The following GALNT2 variants were observed in gnomAD, a reference collection of about 807,000 sequenced individuals.
The protein encoded by GALNT2 is polypeptide N-acetylgalactosaminyltransferase 2, also known as UDP-GalNAc:polypeptide N-acetylgalactosaminyltransferase 2.
GALNT2 carries 31 observed loss-of-function variants against 81.4 expected under a neutral mutation model. The observed-to-expected ratio is 0.38, with a 90% CI of 0.29 to 0.51. The LOEUF (loss-of-function observed/expected upper bound fraction) is 0.51, where lower values mean the gene tolerates loss of function less well. GALNT2 is among the 20% of genes least tolerant of loss of function. GALNT2 has a pLI of 0.87. For missense variants in GALNT2, 629 were observed against 765.7 expected, an observed-to-expected ratio of 0.82 and a Z score of 2.11; for synonymous variants, 303 against 287.4, an observed-to-expected ratio of 1.05 and a Z score of -0.55.
rs1660756471 is a variant in GALNT2, at chr1:230,113,343, C to T, written c.126+45937C>T. On this transcript the variant is annotated intron_variant, in intron 1 of 15. Transcript: ENST00000366672. ...CCAGTTTCTTTCTCTGTTCTTCTCT[C>T]CTTGACTCAGGAATCCAGTTTGCGC... 2.0e-5 allele frequency among the ~76,000 whole-genome samples: 3 copies of T among 152,238 alleles called. No individual in the cohort carries two copies. The South Asian group carries it at 6.2e-4, about 32-fold the overall frequency.
chr1:230,121,755 C>T (rs1201065051), intron 1 of GALNT2, among the ~76,000 whole-genome samples: 1 of 152,046 alleles, frequency 6.6e-6, no homozygotes. Context: ...AGGATGAGTG[C>T]TTTTGCATAC....
intron 1 of GALNT2, among the ~76,000 whole-genome samples, chr1:230,104,196 G>A (rs998455279): frequency 1.3e-5 from 2 of 152,294 alleles, no homozygotes; most frequent in Admixed American, 6.5e-5. Context: ...GTGGGGGGCC[G>A]AGGGAGGCAG....
intron 1 of GALNT2, among the ~76,000 whole-genome samples, chr1:230,116,811 A>C (rs1660862908): frequency 6.6e-6 from 1 of 152,224 alleles, no homozygotes; most frequent in Non-Finnish European, 1.5e-5. Context: ...CCATTTATAG[A>C]GCACAGGCAG....
chr1:230,164,048 CT>C (rs374805563), intron 1 of GALNT2, among the ~76,000 whole-genome samples: 2 of 152,006 alleles, frequency 1.3e-5, no homozygotes, highest in African/African-American at 4.8e-5. Flanking sequence ...GTTTTGTCAT[CT>C]TTTTTTTAAT....
chr1:230,151,048 G>T (rs1251368094), intron 1 of GALNT2, among the ~76,000 whole-genome samples: 1 of 152,206 alleles, frequency 6.6e-6, no homozygotes, highest in East Asian at 1.9e-4. Context: ...TATTTAAGGT[G>T]CACTACCTGG....
Position 230,275,434 on chromosome 1 carries a change from CATAT to C in GALNT2, c.1560+876_1560+879del, listed in dbSNP as rs981136000. Among the ~76,000 whole-genome samples the C allele has an allele frequency of 1.5e-4, 23 of 150,828 alleles. No homozygotes were observed. Among genetic ancestry groups the C allele is most frequent in the African/African-American group, 4.4e-4 (18 of 40,988 alleles). On this transcript the variant is annotated intron_variant, in intron 15 of 15. Transcript: ENST00000366672. The surrounding 1 kb of genome is among the most constrained non-coding windows in gnomAD (Gnocchi z 5.5). Reference sequence around the variant, plus strand: ...GTAAACACCACATATATACACACCACATATATATACACGCCACATATATACATAT... The same window carrying C: ...GTAAACACCACATATATACACACCACATATACACGCCACATATATACATAT...
intron 2 of GALNT2, among the ~76,000 whole-genome samples, chr1:230,181,072 T>C (rs1663143835): frequency 6.8e-6 from 1 of 147,990 alleles, no homozygotes; most frequent in Admixed American, 6.8e-5. Context: ...TTATTTATTT[T>C]CTTCCAATCT....
chr1:230,211,926 C>T (rs890625727), intron 3 of GALNT2, among the ~76,000 whole-genome samples: 11 of 152,130 alleles, frequency 7.2e-5, no homozygotes, highest in Admixed American at 6.5e-5. Flanking sequence ...GAGTCAGGTT[C>T]GGCAGGATGT....
intron 1 of GALNT2, among the ~76,000 whole-genome samples, chr1:230,119,532 TACTC>T (rs753005552): frequency 6.6e-6 from 1 of 152,228 alleles, no homozygotes; most frequent in Non-Finnish European, 1.5e-5. Flanking sequence ...CAACCATTGA[TACTC>T]AGTGTCTGTA....
intron 1 of GALNT2, among the ~76,000 whole-genome samples, chr1:230,075,168 C>G (rs1285223996): frequency 1.4e-5 from 2 of 145,900 alleles, no homozygotes; most frequent in African/African-American, 5.1e-5. Flanking sequence ...CTCTGTCGCC[C>G]AGGCTGGAGT....
At chr1:230,264,972 CAAAA>C (rs67239229) in intron 13 of GALNT2, 722 of 170,392 alleles carry the variant, frequency 4.2e-3, no homozygotes, top group South Asian at 6.6e-3. Context: ...CCTTCCTTTC[CAAAA>C]AAAAAAAAAA....
chr1:230,076,720 G>T (rs898415599), intron 1 of GALNT2, among the ~76,000 whole-genome samples: 5 of 152,094 alleles, frequency 3.3e-5, no homozygotes, highest in African/African-American at 9.7e-5. Context: ...TTTATGAAGG[G>T]TCATTAGATA....
intron 11 of GALNT2, among the ~76,000 whole-genome samples, chr1:230,260,616 C>G (rs1436391071): frequency 6.6e-6 from 1 of 152,120 alleles, no homozygotes. Flanking sequence ...CCAGATGTTA[C>G]AAGTATTTAA....
At chr1:230,165,414 T>A (rs1242120774) in intron 1 of GALNT2, among the ~76,000 whole-genome samples, 1 of 152,262 alleles carries the variant, frequency 6.6e-6, no homozygotes, top group African/African-American at 2.4e-5. Flanking sequence ...GTTTTTTCTC[T>A]TATAAATAAT....
At chr1:230,075,899 G>A (rs901613715) in intron 1 of GALNT2, among the ~76,000 whole-genome samples, 16 of 152,194 alleles carry the variant, frequency 1.1e-4, no homozygotes, top group African/African-American at 3.1e-4. Flanking sequence ...CTCTGCTTCA[G>A]AGGTAGCCCC....
At chr1:230,248,352 C>T (rs1307186969) in intron 8 of GALNT2, among the ~76,000 whole-genome samples, 1 of 152,208 alleles carries the variant, frequency 6.6e-6, no homozygotes, top group Non-Finnish European at 1.5e-5. Flanking sequence ...TGCTGTCAGA[C>T]CCTTGGAATT....
chr1:230,166,151 A>G (rs577180854), intron 1 of GALNT2, among the ~76,000 whole-genome samples: 1 of 152,254 alleles, frequency 6.6e-6, no homozygotes, highest in Non-Finnish European at 1.5e-5. Flanking sequence ...CTTTTGAAAA[A>G]AATAGATTAA....
chr1:230,278,180 A>G (rs949984232), intron 15 of GALNT2, among the ~76,000 whole-genome samples: 4 of 145,376 alleles, frequency 2.8e-5, no homozygotes, highest in African/African-American at 1.0e-4. Context: ...AGGGGTGGGT[A>G]TGACCATAGC....
In GALNT2 at chr1:230,272,481, G is replaced by A. The variant is rs137913721; in HGVS notation, c.1441-1964G>A. 2.0e-3 allele frequency among the ~76,000 whole-genome samples: 312 copies of A among 152,206 alleles called. 1 individual carries two copies. The highest frequency in any genetic ancestry group is 7.2e-3 in the African/African-American group (299 of 41,554). Reference sequence around the variant, plus strand: ...CCCAAATTCATTTGACCTAGAATCCGTCTTTCCTAGGATTCCTCACAGAGT... The same window carrying A: ...CCCAAATTCATTTGACCTAGAATCCATCTTTCCTAGGATTCCTCACAGAGT... On this transcript the variant is annotated intron_variant, in intron 14 of 15. Coordinates refer to ENST00000366672, the MANE Select transcript of GALNT2 (RefSeq NM_004481.5).
Sources: allele counts gnomAD v4.1 joint callset (sites outside exome capture counted in the v4.1 genomes callset), GRCh38; gene constraint gnomAD v4.1.1; non-coding constraint Gnocchi (gnomAD v3.1); transcripts MANE v1.5; gene names NCBI Gene and HGNC (gene_info 2026-07-23, HGNC 2026-07-21).